Variants in NKAIN2 observed in about 807,000 individuals in gnomAD.
NKAIN2 encodes sodium/potassium transporting ATPase interacting 2.
In NKAIN2, 14 loss-of-function variants were observed where a neutral mutation model predicts 32.6. The ratio of observed to expected loss-of-function variants is 0.43; its 90% CI spans 0.28 to 0.67. The LOEUF is 0.67. Among genes scored for constraint, NKAIN2 ranks in the 30% least tolerant of loss-of-function variants. NKAIN2 has a pLI of 0.17. For missense variants in NKAIN2, 198 were observed against 258.3 expected (o/e 0.77, Z 1.60); for synonymous variants, 80 against 87.2 (o/e 0.92, Z 0.46).
chr6:124,390,002 C>A (rs2114410079), intron 3 of NKAIN2, among the ~76,000 whole-genome samples: 1 of 152,164 alleles, frequency 6.6e-6, no homozygotes, highest in East Asian at 1.9e-4. Context: ...CTGAAGATAT[C>A]TGAAGGCTTA....
intron 1 of NKAIN2, among the ~76,000 whole-genome samples, chr6:124,103,281 A>C (rs1784972934): frequency 6.6e-6 from 1 of 152,146 alleles, no homozygotes; most frequent in African/African-American, 2.4e-5. Context: ...TGAAAAATAG[A>C]GCGTGAATCG....
chr6:123,830,626 C>T (rs1245002838), intron 1 of NKAIN2, among the ~76,000 whole-genome samples: 2 of 152,228 alleles, frequency 1.3e-5, no homozygotes, highest in Non-Finnish European at 2.9e-5. Context: ...GTCAGGTCAA[C>T]TTCACCCACT....
At chr6:124,651,307 G>C (rs991481463) in intron 3 of NKAIN2, among the ~76,000 whole-genome samples, 7 of 152,180 alleles carry the variant, frequency 4.6e-5, no homozygotes, top group African/African-American at 1.4e-4. Flanking sequence ...CAGACTGGTA[G>C]CTCTGCAGTT....
At chr6:124,779,052 A>G (rs868125506) in intron 4 of NKAIN2, among the ~76,000 whole-genome samples, 2 of 152,016 alleles carry the variant, frequency 1.3e-5, no homozygotes, top group Admixed American at 6.6e-5. Context: ...CCTGGCCAAC[A>G]TGGCAAAACT....
chr6:124,658,163 C>A (rs1415906399), intron 3 of NKAIN2, 23 bp from the exon 4 acceptor site: 1 of 1,537,300 alleles, frequency 6.5e-7, no homozygotes, highest in Non-Finnish European at 8.9e-7. Flanking sequence ...TAATTCTCAT[C>A]CTTGTAAATT....
chr6:124,481,368 T>G (rs1420140558), intron 3 of NKAIN2, among the ~76,000 whole-genome samples: 1 of 152,032 alleles, frequency 6.6e-6, no homozygotes, highest in Non-Finnish European at 1.5e-5. Context: ...ACAAAATCTC[T>G]CCCAGGTCTA....
At chr6:124,713,230 T>A (rs887872858) in intron 4 of NKAIN2, among the ~76,000 whole-genome samples, 44 of 152,186 alleles carry the variant, frequency 2.9e-4, no homozygotes, top group African/African-American at 1.1e-3. Flanking sequence ...AAGATTAAAT[T>A]CTTTGTACCT....
At chr6:124,138,947 A>T (rs1054370230) in intron 1 of NKAIN2, among the ~76,000 whole-genome samples, 3 of 151,286 alleles carry the variant, frequency 2.0e-5, no homozygotes, top group Non-Finnish European at 4.4e-5. Context: ...GGGATGAGGG[A>T]TAAAAGACTA....
At chr6:124,175,472 G>C (rs1181619387) in intron 1 of NKAIN2, among the ~76,000 whole-genome samples, 3 of 152,066 alleles carry the variant, frequency 2.0e-5, no homozygotes, top group African/African-American at 7.2e-5. Flanking sequence ...TTAAAACAAG[G>C]GCTTAAAATA....
intron 2 of NKAIN2, among the ~76,000 whole-genome samples, chr6:124,323,602 T>C (rs1396085046): frequency 6.6e-6 from 1 of 152,080 alleles, no homozygotes; most frequent in Non-Finnish European, 1.5e-5. Context: ...TTAGGCATGT[T>C]CGTGTGGGGC....
chr6:124,017,768 A>G (rs1336532032), intron 1 of NKAIN2, among the ~76,000 whole-genome samples: 1 of 152,056 alleles, frequency 6.6e-6, no homozygotes, highest in Non-Finnish European at 1.5e-5. Context: ...TTTACATAGT[A>G]CAGCACCCCC....
At chr6:124,808,555 T>C (rs2114852286) in intron 5 of NKAIN2, among the ~76,000 whole-genome samples, 1 of 152,254 alleles carries the variant, frequency 6.6e-6, no homozygotes, top group Middle Eastern at 3.4e-3. Flanking sequence ...CTGGAAGCAT[T>C]CCCTTTGAAA....
At chr6:123,857,514 AT>A (rs1775601704) in intron 1 of NKAIN2, among the ~76,000 whole-genome samples, 1 of 152,112 alleles carries the variant, frequency 6.6e-6, no homozygotes. Context: ...GAAAATTTTT[AT>A]TTTTTAAGTT....
At chr6:124,160,510 A>T (rs1451803066) in intron 1 of NKAIN2, among the ~76,000 whole-genome samples, 1 of 152,156 alleles carries the variant, frequency 6.6e-6, no homozygotes, top group Non-Finnish European at 1.5e-5. Flanking sequence ...GACTTGCAAA[A>T]ATATTTCTAA....
intron 4 of NKAIN2, among the ~76,000 whole-genome samples, chr6:124,712,402 C>T (rs1182070150): frequency 1.7e-5 from 2 of 116,064 alleles, no homozygotes; most frequent in African/African-American, 7.1e-5. Flanking sequence ...CAATGGCGGG[C>T]GCCCCTCCCC....
At chr6:124,746,190 C>T (rs1309614315) in intron 4 of NKAIN2, among the ~76,000 whole-genome samples, 4 of 151,690 alleles carry the variant, frequency 2.6e-5, no homozygotes, top group Non-Finnish European at 5.9e-5. Flanking sequence ...TAATACAGTG[C>T]ATGGTAAGAG....
At chr6:123,958,942 T>G (rs372062597) in intron 1 of NKAIN2, among the ~76,000 whole-genome samples, 1 of 152,220 alleles carries the variant, frequency 6.6e-6, no homozygotes, top group Non-Finnish European at 1.5e-5. Flanking sequence ...TTGGCAATTA[T>G]AGGCCATTGG....
intron 1 of NKAIN2, among the ~76,000 whole-genome samples, chr6:124,081,158 G>C (rs1323286095): frequency 1.3e-5 from 2 of 150,824 alleles, no homozygotes; most frequent in African/African-American, 4.9e-5. Flanking sequence ...AAAGATTTTT[G>C]TCTGCCACAG....
At chr6:124,512,758 T>C (rs924485833) in intron 3 of NKAIN2, among the ~76,000 whole-genome samples, 12 of 152,090 alleles carry the variant, frequency 7.9e-5, no homozygotes, top group African/African-American at 2.2e-4. Context: ...GAGGAAATCT[T>C]TGGGAGAACT....
Sources: allele counts gnomAD v4.1 joint callset (sites outside exome capture counted in the v4.1 genomes callset), GRCh38; gene constraint gnomAD v4.1.1; transcripts MANE v1.5; gene names NCBI Gene and HGNC (gene_info 2026-07-23, HGNC 2026-07-21).